SPOCK1: variants seen among roughly 807,000 people sequenced by gnomAD.
The protein encoded by SPOCK1 is testican-1.
A neutral mutation model predicts 55.3 loss-of-function variants in SPOCK1; 23 were observed. The ratio of observed to expected loss-of-function variants is 0.42; its 90% confidence interval spans 0.30 to 0.59. The LOEUF (loss-of-function observed/expected upper bound fraction) is 0.59. Among genes scored for constraint, SPOCK1 ranks in the 20% least tolerant of loss-of-function variants. The pLI is 0.22. For missense variants in SPOCK1, 499 were observed against 552.5 expected, an observed-to-expected ratio of 0.90 and a Z score of 0.97; for synonymous variants, 226 against 221.0, an observed-to-expected ratio of 1.02 and a Z score of -0.20.
chr5:137,246,202 A>G (rs529991687), intron 3 of SPOCK1, among the ~76,000 whole-genome samples: 1 of 152,296 alleles, frequency 6.6e-6, no homozygotes, highest in Admixed American at 6.5e-5. Context: ...CTCACTATCC[A>G]CTTAATCACT....
At chr5:137,346,505 T>C (rs1453328772) in intron 2 of SPOCK1, among the ~76,000 whole-genome samples, 1 of 152,202 alleles carries the variant, frequency 6.6e-6, no homozygotes, top group Non-Finnish European at 1.5e-5. Flanking sequence ...TTGATTAACA[T>C]TGAGCTGTGA....
chr5:137,119,801 C>A (rs1229442205), intron 4 of SPOCK1, among the ~76,000 whole-genome samples: 2 of 152,202 alleles, frequency 1.3e-5, no homozygotes, highest in Admixed American at 1.3e-4. Flanking sequence ...GCCTTATAAG[C>A]GGCCTTATTA....
intron 2 of SPOCK1, among the ~76,000 whole-genome samples, chr5:137,290,824 C>A (rs922699659): frequency 1.3e-5 from 2 of 152,146 alleles, no homozygotes; most frequent in African/African-American, 4.8e-5. Flanking sequence ...AGAAGCGGGG[C>A]CCTTGTCTAG....
At chr5:137,319,993 C>T (rs1418658493) in intron 2 of SPOCK1, among the ~76,000 whole-genome samples, 1 of 149,858 alleles carries the variant, frequency 6.7e-6, no homozygotes, top group Non-Finnish European at 1.5e-5. Flanking sequence ...ATCCAAAAAG[C>T]CTTTATGAGA....
rs115776904 is a variant in SPOCK1, at chr5:136,985,932, T to C, written c.929-730A>G. Among the ~76,000 whole-genome samples the C allele has an allele frequency of 4.4e-3, 670 of 152,338 alleles. 7 individuals are homozygous for C. The highest frequency in any genetic ancestry group is 0.015 in the African/African-American group (640 of 41,568). ...CTCTGGGAGTTCTGCTATTTGTTCA[T>C]GGTTCATCCTGTCCTTGGCAGAGGA... On this transcript the variant is annotated intron_variant, in intron 8 of 10. Coordinates refer to ENST00000394945, the MANE Select transcript of SPOCK1 (RefSeq NM_004598.4).
intron 6 of SPOCK1, among the ~76,000 whole-genome samples, chr5:137,032,545 C>G (rs192453778): frequency 6.6e-6 from 1 of 152,170 alleles, no homozygotes; most frequent in African/African-American, 2.4e-5. Context: ...GAAAAAGGCA[C>G]GAGGTAGCGT....
chr5:137,196,905 G>T (rs1416119750), intron 3 of SPOCK1, among the ~76,000 whole-genome samples: 1 of 152,204 alleles, frequency 6.6e-6, no homozygotes, highest in Non-Finnish European at 1.5e-5. Flanking sequence ...GCTTGCAATA[G>T]CTGGTCTAGT....
intron 3 of SPOCK1, among the ~76,000 whole-genome samples, chr5:137,169,975 A>G (rs1230403837): frequency 6.6e-6 from 1 of 152,200 alleles, no homozygotes; most frequent in African/African-American, 2.4e-5. Flanking sequence ...TTTTACAGGG[A>G]AAAGAGATAT....
chr5:137,357,928 T>A (rs1750853719), intron 2 of SPOCK1, among the ~76,000 whole-genome samples: 1 of 152,054 alleles, frequency 6.6e-6, no homozygotes, highest in African/African-American at 2.4e-5. Flanking sequence ...ACCTTATGGA[T>A]CTTCCTAGGA....
intron 2 of SPOCK1, among the ~76,000 whole-genome samples, chr5:137,340,249 G>A (rs999671815): frequency 6.6e-6 from 1 of 152,162 alleles, no homozygotes; most frequent in Non-Finnish European, 1.5e-5. Flanking sequence ...CACTGCACAG[G>A]TGCAATGCAT....
chr5:137,125,645 C>A (rs1467351395), intron 4 of SPOCK1, among the ~76,000 whole-genome samples: 1 of 152,130 alleles, frequency 6.6e-6, no homozygotes, highest in Non-Finnish European at 1.5e-5. Context: ...TGACCTGGAA[C>A]TTCCTAGCCT....
chr5:137,439,938 G>A lies in SPOCK1; in HGVS notation c.186+58435C>T, dbSNP rs140811770. Among the ~76,000 whole-genome samples, 1,144 of 152,238 alleles carry A rather than the reference G, an allele frequency of 7.5e-3. 7 individuals carry two copies. The highest frequency in any genetic ancestry group is 0.02 in the Middle Eastern group (6 of 294). ...ACTAGCCCCACCCACACATCAAAGC[G>A]TCCAAACAGCTTTGTAGTCCCTCTT... On this transcript the variant is annotated intron_variant, in intron 2 of 10. Coordinates refer to ENST00000394945, the MANE Select transcript of SPOCK1 (RefSeq NM_004598.4).
intron 5 of SPOCK1, among the ~76,000 whole-genome samples, chr5:137,080,876 A>G (rs907891717): frequency 6.6e-6 from 1 of 152,194 alleles, no homozygotes; most frequent in African/African-American, 2.4e-5. Flanking sequence ...AATAAAAAGG[A>G]AGGTCAGAGC....
chr5:137,180,599 T>C (rs1361803138), intron 3 of SPOCK1, among the ~76,000 whole-genome samples: 1 of 151,498 alleles, frequency 6.6e-6, no homozygotes, highest in Non-Finnish European at 1.5e-5. Flanking sequence ...TACCAGGGGG[T>C]CGTTTGATTC....
chr5:137,124,029 G>T (rs1467924569), intron 4 of SPOCK1, among the ~76,000 whole-genome samples: 1 of 152,068 alleles, frequency 6.6e-6, no homozygotes, highest in South Asian at 2.1e-4. Context: ...TCTGAGAACC[G>T]CTCTGATGCA....
intron 2 of SPOCK1, among the ~76,000 whole-genome samples, chr5:137,325,433 G>C (rs1264416328): frequency 6.6e-6 from 1 of 152,188 alleles, no homozygotes; most frequent in African/African-American, 2.4e-5. Flanking sequence ...AAGAGAGCCA[G>C]ATCTTGTATA....
intron 3 of SPOCK1, among the ~76,000 whole-genome samples, chr5:137,158,738 C>T (rs560264489): frequency 4.6e-5 from 7 of 151,932 alleles, no homozygotes; most frequent in African/African-American, 1.5e-4. Context: ...GAAGGAGTCT[C>T]GGGGGCACCA....
chr5:137,488,285 G>A (rs191424806), intron 2 of SPOCK1, among the ~76,000 whole-genome samples: 11 of 152,238 alleles, frequency 7.2e-5, no homozygotes, highest in Middle Eastern at 3.4e-3. Context: ...GCTGAGGCAG[G>A]AGAATCACTT....
At chr5:137,280,506 C>T (rs1196982956) in intron 2 of SPOCK1, among the ~76,000 whole-genome samples, 1 of 152,194 alleles carries the variant, frequency 6.6e-6, no homozygotes, top group Non-Finnish European at 1.5e-5. Flanking sequence ...CAATAAGCTG[C>T]TTTTGCTTTT....
Sources: allele counts gnomAD v4.1 joint callset (sites outside exome capture counted in the v4.1 genomes callset), GRCh38; gene constraint gnomAD v4.1.1; transcripts MANE v1.5; gene names NCBI Gene and HGNC (gene_info 2026-07-23, HGNC 2026-07-21).